ACER3: variants seen among roughly 807,000 people sequenced by gnomAD.
ACER3 encodes the protein alkaline ceramidase 3.
ACER3 carries 16 observed loss-of-function variants against 48.9 expected under a neutral mutation model. That is an observed-to-expected ratio of 0.33 (90% CI 0.22 to 0.50). ACER3 has a LOEUF of 0.50. Ranked by LOEUF, ACER3 falls within the 20% of genes least tolerant of loss-of-function variation. The probability of loss-of-function intolerance (pLI) is 0.98; values close to 1 mark genes in which losing one functional copy is unlikely to be tolerated. For missense variants in ACER3, 227 were observed against 326.0 expected (o/e 0.70, Z 2.34); for synonymous variants, 109 against 107.8 (o/e 1.01, Z -0.07).
At chr11:76,990,934 CCTCT>C (rs1439383418) in intron 6 of ACER3, among the ~76,000 whole-genome samples, 1 of 151,922 alleles carries the variant, frequency 6.6e-6, no homozygotes, top group African/African-American at 2.4e-5. Context: ...GAGTATTTTC[CCTCT>C]AATATATTTT....
intron 2 of ACER3, among the ~76,000 whole-genome samples, chr11:76,952,262 C>CTT (rs1158955501): frequency 1.6e-4 from 22 of 139,156 alleles, no homozygotes; most frequent in South Asian, 6.8e-4. Context: ...TTCTTTCTTT[C>CTT]TTTTTTTTTT....
intron 1 of ACER3, among the ~76,000 whole-genome samples, chr11:76,892,654 C>T (rs544253127): frequency 4.6e-5 from 7 of 152,226 alleles, no homozygotes; most frequent in African/African-American, 1.7e-4. Flanking sequence ...TCTGGTAGAA[C>T]TAGCATAATT....
At chr11:76,872,905 C>CTTTTTTTTTTTTTTTTTTTTTT (rs756362938) in intron 1 of ACER3, among the ~76,000 whole-genome samples, 12 of 94,572 alleles carry the variant, frequency 1.3e-4, no homozygotes, top group East Asian at 6.0e-4. Flanking sequence ...TTTCTTTTTT[C>CTTTTTTTTTTTTTTTTTTTTTT]TTTTTCTTTT....
At chr11:77,005,987 A>AT (rs782564228) in intron 7 of ACER3, among the ~76,000 whole-genome samples, 46 of 91,172 alleles carry the variant, frequency 5.0e-4, no homozygotes, top group African/African-American at 1.6e-3. Context: ...ATATATATAT[A>AT]TATATTTTTT....
chr11:76,881,396 T>A (rs1452030940), intron 1 of ACER3, among the ~76,000 whole-genome samples: 1 of 152,200 alleles, frequency 6.6e-6, no homozygotes, highest in Non-Finnish European at 1.5e-5. Context: ...TACTAGCTTT[T>A]TTTTTGTTCT....
At chr11:77,004,799 CAT>C (rs1361638672) in intron 7 of ACER3, among the ~76,000 whole-genome samples, 1 of 152,080 alleles carries the variant, frequency 6.6e-6, no homozygotes, top group Non-Finnish European at 1.5e-5. Flanking sequence ...TCAACCTGAT[CAT>C]ACTGTTATAT....
At chr11:76,913,756 C>G in intron 1 of ACER3, among the ~76,000 whole-genome samples, 1 of 151,670 alleles carries the variant, frequency 6.6e-6, no homozygotes, top group Non-Finnish European at 1.5e-5. Context: ...AATCCTAAGC[C>G]AAGAACAAAG....
chr11:76,896,926 T>TG (rs1554994848), intron 1 of ACER3, among the ~76,000 whole-genome samples: 4 of 151,652 alleles, frequency 2.6e-5, no homozygotes, highest in Non-Finnish European at 4.4e-5. Context: ...AAGGGAGTTT[T>TG]TTGTTGTTGT....
At chr11:76,984,710 A>T (rs1465007984) in intron 4 of ACER3, among the ~76,000 whole-genome samples, 1 of 152,238 alleles carries the variant, frequency 6.6e-6, no homozygotes, top group Non-Finnish European at 1.5e-5. Context: ...GAGGAGATAG[A>T]TAAGGGAAGA....
intron 1 of ACER3, among the ~76,000 whole-genome samples, chr11:76,882,712 GAATGTTA>G (rs1945559977): frequency 6.6e-6 from 1 of 152,186 alleles, no homozygotes; most frequent in Non-Finnish European, 1.5e-5. Flanking sequence ...TGAACATAAA[GAATGTTA>G]AATTGTGGAG....
intron 4 of ACER3, chr11:76,978,433 T>A (rs1948499817): frequency 6.6e-6 from 1 of 152,258 alleles, no homozygotes; most frequent in Admixed American, 6.5e-5. Context: ...CTGGGTCTCC[T>A]CTCCACTGAG....
chr11:76,999,049 A>G (rs1459038146), intron 7 of ACER3, among the ~76,000 whole-genome samples: 5 of 152,268 alleles, frequency 3.3e-5, no homozygotes, highest in African/African-American at 4.8e-5. Context: ...GACATGGGAA[A>G]ATTAAAGAGA....
chr11:76,922,177 G>A (rs564442812), intron 1 of ACER3, among the ~76,000 whole-genome samples: 15 of 152,162 alleles, frequency 9.9e-5, no homozygotes, highest in African/African-American at 3.4e-4. Flanking sequence ...GCCTATATTT[G>A]TGGTTTGCAA....
At chr11:76,861,741 C>G (rs1166012692) in intron 1 of ACER3, among the ~76,000 whole-genome samples, 1 of 152,234 alleles carries the variant, frequency 6.6e-6, no homozygotes, top group East Asian at 1.9e-4. Context: ...TGCACCTAGC[C>G]TGTACCTTCT....
intron 1 of ACER3, among the ~76,000 whole-genome samples, chr11:76,864,594 G>GTTTTTTTTT (rs376935274): frequency 3.9e-5 from 3 of 76,128 alleles, no homozygotes; most frequent in Non-Finnish European, 1.1e-4. Flanking sequence ...TATGGAATGG[G>GTTTTTTTTT]TATTTTTTTT....
intron 1 of ACER3, among the ~76,000 whole-genome samples, chr11:76,861,761 A>G (rs1001962339): frequency 6.6e-6 from 1 of 152,174 alleles, no homozygotes; most frequent in Non-Finnish European, 1.5e-5. Flanking sequence ...TGCCCCTGCC[A>G]GGCTCCCAAG....
chr11:76,931,287 C>A, intron 2 of ACER3, among the ~76,000 whole-genome samples: 1 of 134,842 alleles, frequency 7.4e-6, no homozygotes, highest in Non-Finnish European at 1.6e-5. Context: ...AGGATTGCAA[C>A]CCCTGCCTTT....
At chr11:76,880,402 C>CA (rs1945493040) in intron 1 of ACER3, among the ~76,000 whole-genome samples, 1 of 152,192 alleles carries the variant, frequency 6.6e-6, no homozygotes, top group Non-Finnish European at 1.5e-5. Flanking sequence ...GACAAGCAAT[C>CA]AGTTTTGCAG....
chr11:76,987,252 TAGCTGTGGGGTTGAAA>T (rs1426665490), intron 5 of ACER3, among the ~76,000 whole-genome samples: 1 of 152,158 alleles, frequency 6.6e-6, no homozygotes, highest in Non-Finnish European at 1.5e-5. Context: ...GAAAGTAATA[TAGCTGTGGGGTTGAAA>T]AGAAACGGTC....
Sources: allele counts gnomAD v4.1 joint callset (sites outside exome capture counted in the v4.1 genomes callset), GRCh38; gene constraint gnomAD v4.1.1; transcripts MANE v1.5; gene names NCBI Gene and HGNC (gene_info 2026-07-23, HGNC 2026-07-21).